SUSD5: variants seen among roughly 807,000 people sequenced by gnomAD.
SUSD5 encodes sushi domain containing 5.
In SUSD5, 33 loss-of-function variants were observed where a neutral mutation model predicts 29.5. The ratio of observed to expected loss-of-function variants is 1.12; its 90% CI spans 0.85 to 1.49. The LOEUF (loss-of-function observed/expected upper bound fraction) is 1.49, where lower values mean the gene tolerates loss of function less well. SUSD5 is among the 40% of genes most tolerant of loss of function. The pLI is 0.00. For synonymous variants in SUSD5, 308 were observed against 325.3 expected (o/e 0.95, Z 0.57); for missense variants, 776 against 800.6 (o/e 0.97, Z 0.37).
intron 1 of SUSD5, among the ~76,000 whole-genome samples, chr3:33,218,042 C>G (rs1293733877): frequency 6.6e-6 from 1 of 152,228 alleles, no homozygotes; most frequent in Non-Finnish European, 1.5e-5. Context: ...AGAAGTGGAT[C>G]AATTCTCAGA....
chr3:33,158,866 AC>A (rs1211202682), intron 4 of SUSD5, among the ~76,000 whole-genome samples: 23 of 152,234 alleles, frequency 1.5e-4, no homozygotes, highest in African/African-American at 5.3e-4. Context: ...CACCAGCTAT[AC>A]CTTAAGGCCT....
intron 3 of SUSD5, among the ~76,000 whole-genome samples, chr3:33,182,070 T>G (rs1278622129): frequency 6.6e-6 from 1 of 152,260 alleles, no homozygotes; most frequent in East Asian, 1.9e-4. Flanking sequence ...AATATATGTA[T>G]TCACTGCTAT....
Position 33,153,890 on chromosome 3 carries a change from C to G in SUSD5, c.742G>C (p.Asp248His), listed in dbSNP as rs761724657. Reference sequence around the variant, plus strand: ...CCCACAGAAATGGAGACCAGACGGTCCTGTTTTGGAGCCTCCTCAGAGGAG... The same window carrying G: ...CCCACAGAAATGGAGACCAGACGGTGCTGTTTTGGAGCCTCCTCAGAGGAG... Reference protein sequence around the residue: ...GDSSEEAPKQDRLVSISVGRE... With the variant: ...GDSSEEAPKQHRLVSISVGRE... Residue 248 changes from aspartate (D) to histidine (H), a missense_variant, in exon 5 of 5, where the codon GAC becomes CAC. Physicochemically the swap from Asp to His is moderately conservative, Grantham distance 81. Coordinates refer to ENST00000309558, the MANE Select transcript of SUSD5 (RefSeq NM_015551.2). 13 of 1,614,030 alleles carry G rather than the reference C, an allele frequency of 8.1e-6. No homozygotes were observed. Among genetic ancestry groups the G allele is most frequent in the Non-Finnish European group, 1.1e-5 (13 of 1,179,904 alleles).
chr3:33,157,263 T>C (rs2031076758), intron 4 of SUSD5, among the ~76,000 whole-genome samples: 1 of 152,348 alleles, frequency 6.6e-6, no homozygotes, highest in African/African-American at 2.4e-5. Flanking sequence ...CTCATGGTCT[T>C]GCATCCTATA....
At chr3:33,190,009 A>G (rs1475645737) in intron 3 of SUSD5, among the ~76,000 whole-genome samples, 1 of 152,204 alleles carries the variant, frequency 6.6e-6, no homozygotes, top group East Asian at 1.9e-4. Context: ...GGGAATAGTG[A>G]CAGCATTTAC....
chr3:33,168,618 A>G (rs2031356598), intron 4 of SUSD5: 1 of 981,546 alleles, frequency 1.0e-6, no homozygotes, highest in Non-Finnish European at 1.2e-6. Flanking sequence ...AGCATGATGC[A>G]GATATCAGGA....
chr3:33,168,358 C>T (rs1191381151), intron 4 of SUSD5, among the ~76,000 whole-genome samples: 1 of 152,198 alleles, frequency 6.6e-6, no homozygotes, highest in Admixed American at 6.5e-5. Flanking sequence ...ACAAATATGG[C>T]AATTTTTGTT....
intron 3 of SUSD5, among the ~76,000 whole-genome samples, chr3:33,201,502 T>C (rs1364032861): frequency 6.6e-6 from 1 of 152,248 alleles, no homozygotes; most frequent in Admixed American, 6.5e-5. Context: ...AACATTTCTC[T>C]GGCTGCCCAG....
At position 33,204,840 on chromosome 3, in the gene SUSD5, AT is replaced by A. The variant is rs1479047124; in HGVS notation, c.409+2967del. Among the ~76,000 whole-genome samples the A allele has an allele frequency of 6.6e-6, 1 of 152,058 alleles. No homozygotes were observed. Among genetic ancestry groups the A allele is most frequent in the Non-Finnish European group, 1.5e-5 (1 of 68,000 alleles). On this transcript the variant is annotated intron_variant, in intron 3 of 4. Coordinates refer to ENST00000309558, the MANE Select transcript of SUSD5 (RefSeq NM_015551.2). The surrounding 1 kb of genome is among the most constrained non-coding windows in gnomAD (Gnocchi z 4.5). Reference sequence around the variant, plus strand: ...AGCCTGAGCTTTTTGAGATTTTAAAATTTTATATAATTTCAAAGTTACATAA... The same window carrying A: ...AGCCTGAGCTTTTTGAGATTTTAAAATTTATATAATTTCAAAGTTACATAA...
Position 33,218,723 on chromosome 3 carries a change from G to C in SUSD5, c.75C>G (p.Leu25=), listed in dbSNP as rs1250869320. 2 of 1,347,198 alleles carry C rather than the reference G, an allele frequency of 1.5e-6. No homozygotes were observed. The highest frequency in any genetic ancestry group is 1.5e-5 in the African/African-American group (1 of 65,374). The allele number at this position is 1,347,198 out of a possible 1,614,324, so 83.5% of individuals were successfully genotyped here. The change falls in exon 1 of 5, where the codon CTC becomes CTG. Residue 25 remains leucine (L), a synonymous_variant. Transcript: ENST00000309558. The part of the protein sequence containing the change: ...RLPGLWAAAL[L]LLGLPRLSVR... ...CCGAAAGGCGCGGCAGACCGAGCAG[G>C]AGCAGCGCCGCCGCCCAGAGCCCGG...
At chr3:33,176,892 T>A (rs1167962987) in intron 3 of SUSD5, among the ~76,000 whole-genome samples, 1 of 152,264 alleles carries the variant, frequency 6.6e-6, no homozygotes. Flanking sequence ...TAGTCAAAGA[T>A]GAATCAACTA....
At chr3:33,187,472 G>A (rs536593150) in intron 3 of SUSD5, among the ~76,000 whole-genome samples, 2 of 152,282 alleles carry the variant, frequency 1.3e-5, no homozygotes, top group South Asian at 2.1e-4. Flanking sequence ...AGTGCTATGC[G>A]TTAACACAAC....
chr3:33,175,508 C>T (rs1279332213), intron 3 of SUSD5, among the ~76,000 whole-genome samples: 2 of 151,782 alleles, frequency 1.3e-5, no homozygotes, highest in Non-Finnish European at 2.9e-5. Context: ...ACCTCAACAC[C>T]AACAGCAACA....
chr3:33,166,659 A>G (rs1453810930), intron 4 of SUSD5, among the ~76,000 whole-genome samples: 1 of 152,232 alleles, frequency 6.6e-6, no homozygotes, highest in Non-Finnish European at 1.5e-5. Context: ...GGTGTATGGC[A>G]TATAGTAGGC....
intron 3 of SUSD5, among the ~76,000 whole-genome samples, chr3:33,191,207 A>G (rs937036577): frequency 1.3e-5 from 2 of 150,534 alleles, no homozygotes; most frequent in African/African-American, 2.5e-5. Flanking sequence ...TCGGCTCACT[A>G]CAAGCTCCAC....
intron 3 of SUSD5, among the ~76,000 whole-genome samples, chr3:33,201,167 A>G (rs116957135): frequency 3.9e-5 from 6 of 152,308 alleles, no homozygotes; most frequent in East Asian, 3.9e-4. Flanking sequence ...ATGTAGGCAG[A>G]TATCTCCAAG....
At chr3:33,189,699 AG>A (rs2031852849) in intron 3 of SUSD5, among the ~76,000 whole-genome samples, 2 of 152,190 alleles carry the variant, frequency 1.3e-5, no homozygotes, top group Admixed American at 1.3e-4. Context: ...GTAAGTAAAA[AG>A]AACCATTTTA....
chr3:33,190,906 A>T (rs1052655714), intron 3 of SUSD5, among the ~76,000 whole-genome samples: 6 of 152,090 alleles, frequency 3.9e-5, no homozygotes, highest in Non-Finnish European at 7.4e-5. Context: ...AAAATCATTT[A>T]ATCTCCCCTA....
At chr3:33,209,848 C>G (rs772149038) in intron 2 of SUSD5, among the ~76,000 whole-genome samples, 24 of 152,036 alleles carry the variant, frequency 1.6e-4, no homozygotes, top group Non-Finnish European at 5.9e-5. Context: ...TTAGGTCTAT[C>G]CATTAAGTTC....
Sources: allele counts gnomAD v4.1 joint callset (sites outside exome capture counted in the v4.1 genomes callset), GRCh38; gene constraint gnomAD v4.1.1; non-coding constraint Gnocchi (gnomAD v3.1); transcripts MANE v1.5; gene names NCBI Gene and HGNC (gene_info 2026-07-23, HGNC 2026-07-21).